Variants in DCAF5 observed in about 807,000 individuals in gnomAD.
DCAF5 encodes DDB1- and CUL4-associated factor 5.
In DCAF5, 9 loss-of-function variants were observed where a neutral mutation model predicts 80.7. The ratio of observed to expected loss-of-function variants is 0.11; its 90% CI spans 0.07 to 0.19. The LOEUF is 0.19. Ranked by LOEUF, DCAF5 falls within the 10% of genes least tolerant of loss-of-function variation. DCAF5 has a pLI of 1.00. For synonymous variants in DCAF5, 433 were observed against 461.9 expected, an observed-to-expected ratio of 0.94 and a Z score of 0.80; for missense variants, 842 against 1,205.7, an observed-to-expected ratio of 0.70 and a Z score of 4.47.
At chr14:69,098,131 C>G (rs527841745) in intron 5 of DCAF5, among the ~76,000 whole-genome samples, 3 of 87,058 alleles carry the variant, frequency 3.4e-5, no homozygotes, top group African/African-American at 1.2e-4. Context: ...TCTGTGACCC[C>G]ACCTCCTAGG....
At chr14:69,073,283 G>A (rs2038771162) in intron 7 of DCAF5, among the ~76,000 whole-genome samples, 1 of 152,194 alleles carries the variant, frequency 6.6e-6, no homozygotes, top group South Asian at 2.1e-4. Flanking sequence ...CACTAGGGAT[G>A]CATGTGCACA....
rs2040606799 is a variant in DCAF5 at position 69,118,449 on chromosome 14, T to G, written c.396-171A>C. 6.6e-6 allele frequency among the ~76,000 whole-genome samples: 1 copy of G among 151,852 alleles called. No homozygotes were observed. Among genetic ancestry groups the G allele is most frequent in the African/African-American group, 2.4e-5 (1 of 41,350 alleles). On this transcript the variant is annotated intron_variant, in intron 3 of 8. Coordinates refer to ENST00000341516, the MANE Select transcript of DCAF5 (RefSeq NM_003861.3). This position sits in a 1 kb window ranked among gnomAD's most constrained non-coding sequence, Gnocchi z 4.0. Reference sequence around the variant, plus strand: ...AAAGGTAGGTAGTCAACTTTCAGGTTAAAAAAAAGGTACTATTAAGGAGTC... The same window carrying G: ...AAAGGTAGGTAGTCAACTTTCAGGTGAAAAAAAAGGTACTATTAAGGAGTC...
intron 2 of DCAF5, among the ~76,000 whole-genome samples, chr14:69,121,538 G>A (rs532011397): frequency 6.6e-5 from 10 of 152,234 alleles, no homozygotes; most frequent in Non-Finnish European, 1.2e-4. Flanking sequence ...GTGAATGGTT[G>A]TAACTGAGAA....
At chr14:69,061,662 T>A (rs769211949) in intron 8 of DCAF5, among the ~76,000 whole-genome samples, 4 of 152,228 alleles carry the variant, frequency 2.6e-5, no homozygotes, top group Non-Finnish European at 5.9e-5. Flanking sequence ...AGTAGTTTTA[T>A]CCATGCCATA....
At chr14:69,094,681 G>A (rs1030703322) in intron 5 of DCAF5, among the ~76,000 whole-genome samples, 8 of 152,136 alleles carry the variant, frequency 5.3e-5, no homozygotes, top group Non-Finnish European at 7.3e-5. Flanking sequence ...CTGGTTTGCC[G>A]GGAAGGCAAA....
intron 6 of DCAF5, among the ~76,000 whole-genome samples, chr14:69,086,120 G>A (rs2139946854): frequency 6.6e-6 from 1 of 152,294 alleles, no homozygotes; most frequent in South Asian, 2.1e-4. Context: ...ACTTTGGGAG[G>A]CTGAGGTGGG....
chr14:69,148,102 C>CAAAAAAA (rs71446373), intron 1 of DCAF5, among the ~76,000 whole-genome samples: 1 of 91,640 alleles, frequency 1.1e-5, no homozygotes, highest in African/African-American at 4.0e-5. Context: ...ATTTTCTTCG[C>CAAAAAAA]AAAAAAAAAA....
At position 69,152,565 on chromosome 14, in the gene DCAF5, G is replaced by A; in HGVS notation, c.214+200C>T. ...ATTAAGGAGCTGTCAACCATTTTAG[G>A]TCTTTTTTATAGAAGACATCCTCTC... is the stretch of plus-strand genomic sequence containing the variant. On this transcript the variant is annotated intron_variant, in intron 1 of 8. Transcript: ENST00000341516. This position sits in a 1 kb window ranked among gnomAD's most constrained non-coding sequence, Gnocchi z 4.1. The A allele has an allele frequency of 1.7e-6, 1 of 586,944 alleles. No individual in the cohort carries two copies. The highest frequency in any genetic ancestry group is 2.0e-5 in the South Asian group (1 of 48,806). 36.4% of individuals were successfully genotyped at this position (586,944 alleles called of 1,614,324 possible). A position where few individuals can be genotyped will look rare whatever the true frequency, so the allele number is the denominator to read the frequency against.
At chr14:69,133,838 A>T (rs1409935138) in intron 1 of DCAF5, among the ~76,000 whole-genome samples, 1 of 152,154 alleles carries the variant, frequency 6.6e-6, no homozygotes, top group African/African-American at 2.4e-5. Flanking sequence ...CTTTACATTA[A>T]ATAGGAAGTA....
At chr14:69,103,064 T>C (rs989920062) in intron 5 of DCAF5, among the ~76,000 whole-genome samples, 2 of 152,226 alleles carry the variant, frequency 1.3e-5, no homozygotes, top group Non-Finnish European at 2.9e-5. Flanking sequence ...TATGGGACTT[T>C]TGTCATACAT....
chr14:69,084,824 G>C (rs2039255416), intron 6 of DCAF5: 1 of 1,074,186 alleles, frequency 9.3e-7, no homozygotes, highest in Admixed American at 1.7e-5. Context: ...ATTGTGTACA[G>C]ATGTGGCAGC....
chr14:69,130,788 T>C (rs903113422), intron 1 of DCAF5, among the ~76,000 whole-genome samples: 2 of 152,150 alleles, frequency 1.3e-5, no homozygotes, highest in Non-Finnish European at 2.9e-5. Flanking sequence ...TGGGGTTTCA[T>C]CTTTGAGAGG....
intron 6 of DCAF5, among the ~76,000 whole-genome samples, chr14:69,085,687 T>A (rs1035557830): frequency 2.0e-5 from 3 of 152,220 alleles, no homozygotes; most frequent in African/African-American, 7.2e-5. Context: ...CAAATGTATG[T>A]TACTGTTTTA....
chr14:69,093,665 C>T (rs1473093488), intron 5 of DCAF5, among the ~76,000 whole-genome samples: 1 of 152,200 alleles, frequency 6.6e-6, no homozygotes, highest in African/African-American at 2.4e-5. Flanking sequence ...TGTACCAACA[C>T]CAGCCCCAGT....
rs2040614992 is a variant in DCAF5, at chr14:69,118,734, G to C, written c.396-456C>G. On this transcript the variant is annotated intron_variant, in intron 3 of 8. Coordinates refer to ENST00000341516, the MANE Select transcript of DCAF5 (RefSeq NM_003861.3). The surrounding 1 kb of genome is among the most constrained non-coding windows in gnomAD (Gnocchi z 4.0). ...CCAGATAGCCTAAGTTCAGGTTTTA[G>C]TACCACCTGACCTTCTGTTATCTAA... Among the ~76,000 whole-genome samples, 1 of 152,170 alleles carries C rather than the reference G, an allele frequency of 6.6e-6. No individual in the cohort carries two copies. Among genetic ancestry groups the C allele is most frequent in the African/African-American group, 2.4e-5 (1 of 41,452 alleles).
intron 1 of DCAF5, among the ~76,000 whole-genome samples, chr14:69,150,933 C>T (rs903368289): frequency 2.0e-5 from 3 of 152,084 alleles, no homozygotes; most frequent in Non-Finnish European, 4.4e-5. Flanking sequence ...AGCTGGGCAA[C>T]GTGTGACTAC....
intron 7 of DCAF5, among the ~76,000 whole-genome samples, chr14:69,071,659 T>C (rs2038698492): frequency 6.6e-6 from 1 of 152,032 alleles, no homozygotes; most frequent in African/African-American, 2.4e-5. Context: ...TGTACGCACT[T>C]ATCTTTGGCC....
At position 69,152,785 on chromosome 14, in the gene DCAF5, C is replaced by T; in HGVS notation, c.194G>A (p.Gly65Glu). The change falls in exon 1 of 9, where the codon GGA (glycine) becomes GAA (glutamate). Residue 65 changes from glycine to glutamate, a missense_variant. Gly to Glu is a moderately conservative substitution (Grantham distance 98). Around this residue, in one of 5 missense-constraint regions of DCAF5, gnomAD observed 142 missense variants for 311.9 expected, o/e 0.46. Coordinates refer to ENST00000341516, the MANE Select transcript of DCAF5 (RefSeq NM_003861.3). The surrounding 1 kb of genome is among the most constrained non-coding windows in gnomAD (Gnocchi z 4.1). ...CVNAIEFSNN[G>E]GQWLVSGGDD... ...TTTACCTGAGACCAGCCACTGGCCT[C>T]CATTGTTGGAGAATTCAATGGCATT... 6.2e-7 allele frequency: 1 copy of T among 1,613,822 alleles called. No individual in the cohort carries two copies. Among genetic ancestry groups the T allele is most frequent in the Non-Finnish European group, 8.5e-7 (1 of 1,179,938 alleles).
chr14:69,152,724 G>A lies in DCAF5; in HGVS notation c.214+41C>T, dbSNP rs767129806. 6 of 1,513,606 alleles carry A rather than the reference G, an allele frequency of 4.0e-6. No individual in the cohort carries two copies. The East Asian group carries it at 6.9e-5, about 17-fold the overall frequency. 93.8% of individuals were successfully genotyped at this position (1,513,606 alleles called of 1,614,324 possible). On this transcript the variant is annotated intron_variant, in intron 1 of 8. Transcript: ENST00000341516. This position sits in a 1 kb window ranked among gnomAD's most constrained non-coding sequence, Gnocchi z 4.1. Reference sequence around the variant, plus strand: ...GGAGAGCGAGAGGGGGAGGCTGGGAGGGTGCGGGGAGGCGCGGGGAGGGGA... The same window carrying A: ...GGAGAGCGAGAGGGGGAGGCTGGGAAGGTGCGGGGAGGCGCGGGGAGGGGA...
Sources: allele counts gnomAD v4.1 joint callset (sites outside exome capture counted in the v4.1 genomes callset), GRCh38; gene constraint gnomAD v4.1.1; regional missense constraint gnomAD v4.1.1; non-coding constraint Gnocchi (gnomAD v3.1); transcripts MANE v1.5; gene names NCBI Gene and HGNC (gene_info 2026-07-23, HGNC 2026-07-21).